Variants in NLRP4 observed in about 807,000 individuals in gnomAD.
The protein encoded by NLRP4 is NACHT, LRR and PYD domains-containing protein 4.
Under a neutral mutation model 84.7 loss-of-function variants are expected in NLRP4, and 44 were observed. That is an observed-to-expected ratio of 0.52 (90% CI 0.41 to 0.67). The LOEUF (loss-of-function observed/expected upper bound fraction) is 0.67. Ranked by LOEUF, NLRP4 falls within the 30% of genes least tolerant of loss-of-function variation. The probability of loss-of-function intolerance (pLI) is 0.00; values close to 1 mark genes in which losing one functional copy is unlikely to be tolerated. For missense variants in NLRP4, 1,260 were observed against 1,219.4 expected (o/e 1.03, Z -0.50); for synonymous variants, 544 against 476.4 (o/e 1.14, Z -1.85).
chr19:55,858,878 T>C lies in NLRP4; in HGVS notation c.1485T>C (p.His495=), dbSNP rs368250690. 4.1e-5 allele frequency: 66 copies of C among 1,614,148 alleles called. No individual in the cohort carries two copies. The Middle Eastern group carries it at 8.2e-4, about 20-fold the overall frequency. ...VANFEKARRA[H]WIFLGCFLTG... ...ATTTTGAAAAAGCAAGGAGAGCACA[T>C]TGGATTTTTTTGGGGTGTTTTCTAA... The change falls in exon 3 of 10, where the codon CAT becomes CAC. Residue 495 remains histidine (H), a synonymous_variant. Transcript: ENST00000301295. The surrounding 1 kb of genome is among the most constrained non-coding windows in gnomAD (Gnocchi z 4.2).
At chr19:55,851,659 CGGTGT>C in intron 1 of NLRP4, among the ~76,000 whole-genome samples, 1 of 148,558 alleles carries the variant, frequency 6.7e-6, no homozygotes, top group Non-Finnish European at 1.5e-5. Flanking sequence ...TCCGAGGCTG[CGGTGT>C]AATGTCCGAG....
intron 5 of NLRP4, among the ~76,000 whole-genome samples, chr19:55,865,344 T>C (rs1352094524): frequency 6.6e-6 from 1 of 152,252 alleles, no homozygotes. Context: ...CTGCATAGTA[T>C]TCCATGGTGT....
In NLRP4 at chr19:55,858,137, T is replaced by C. The variant is rs759140706; in HGVS notation, c.744T>C (p.Cys248=). The change falls in exon 3 of 10, where the codon TGT becomes TGC. Residue 248 remains cysteine, a synonymous_variant. Coordinates refer to ENST00000301295, the MANE Select transcript of NLRP4 (RefSeq NM_134444.5). The surrounding 1 kb of genome is among the most constrained non-coding windows in gnomAD (Gnocchi z 4.2). The part of the protein sequence containing the change: ...GGLNEPDSDL[C]GDLMEKRPVQ... The stretch of plus-strand genomic sequence containing the variant: ...TGAACGAACCCGATTCGGATCTGTG[T>C]GGTGACTTGATGGAGAAACGGCCGG... 4 of 1,613,942 alleles carry C rather than the reference T, an allele frequency of 2.5e-6. No individual in the cohort carries two copies. The highest frequency in any genetic ancestry group is 3.3e-5 in the Admixed American group (2 of 59,992).
intron 3 of NLRP4, 96 bp from the exon 4 acceptor site, chr19:55,861,290 T>A (rs936086891): frequency 9.8e-7 from 1 of 1,024,664 alleles, no homozygotes; most frequent in Admixed American, 2.3e-5. Context: ...GCCTCAGACA[T>A]CTTCTGTTTG....
chr19:55,853,915 CTT>C (rs151330071), intron 2 of NLRP4, among the ~76,000 whole-genome samples: 5 of 101,138 alleles, frequency 4.9e-5, no homozygotes, highest in East Asian at 2.5e-4. Context: ...CTTTCTCTTT[CTT>C]TCTCTTTCTC....
chr19:55,853,761 T>TTCTCTC (rs532484414), intron 2 of NLRP4, among the ~76,000 whole-genome samples: 1 of 130,398 alleles, frequency 7.7e-6, no homozygotes, highest in African/African-American at 3.9e-5. Flanking sequence ...CTCTTTCTCT[T>TTCTCTC]TCTCTCTCTC....
intron 4 of NLRP4, 25 bp from the exon 5 acceptor site, chr19:55,861,967 T>C: frequency 1.9e-6 from 3 of 1,587,558 alleles, no homozygotes; most frequent in Non-Finnish European, 2.6e-6. Context: ...ATGAAACTCA[T>C]CCAAAATTTT....
intron 8 of NLRP4, among the ~76,000 whole-genome samples, chr19:55,878,515 A>G (rs1391033302): frequency 6.6e-6 from 1 of 152,280 alleles, no homozygotes; most frequent in Non-Finnish European, 1.5e-5. Flanking sequence ...ATAATATGTT[A>G]TATTATCCAA....
intron 8 of NLRP4, among the ~76,000 whole-genome samples, 200 bp from the exon 9 acceptor site, chr19:55,878,593 AG>A (rs1179048275): frequency 3.3e-5 from 5 of 152,214 alleles, no homozygotes; most frequent in Non-Finnish European, 7.3e-5. Context: ...TGCTGTGGGC[AG>A]GGATACAGAG....
intron 1 of NLRP4, among the ~76,000 whole-genome samples, chr19:55,838,881 C>A (rs385349): frequency 0.15 from 23,188 of 151,712 alleles, 1,974 homozygotes; most frequent in East Asian, 0.22. Context: ...ACAGATCTTA[C>A]ACTTAATGGA....
At chr19:55,857,638 T>G (rs1446603951) in intron 2 of NLRP4, 36 bp from the exon 3 acceptor site, 1 of 1,594,676 alleles carries the variant, frequency 6.3e-7, no homozygotes, top group Non-Finnish European at 8.5e-7. Context: ...TGCTTAACTT[T>G]GTGGGTTTTC....
At chr19:55,867,069 G>A (rs1984984031) in intron 5 of NLRP4, among the ~76,000 whole-genome samples, 2 of 150,098 alleles carry the variant, frequency 1.3e-5, no homozygotes, top group Non-Finnish European at 3.0e-5. Flanking sequence ...TGCATCTCAG[G>A]TTGGCTGTCT....
chr19:55,869,784 TA>T (rs11405884), intron 6 of NLRP4, among the ~76,000 whole-genome samples: 13 of 148,478 alleles, frequency 8.8e-5, no homozygotes, highest in Non-Finnish European at 1.0e-4. Flanking sequence ...CATGGATCCT[TA>T]AAAAAAAAAA....
intron 1 of NLRP4, 118 bp from the exon 2 acceptor site, chr19:55,851,898 G>C (rs1381878129): frequency 1.6e-5 from 9 of 557,998 alleles, no homozygotes; most frequent in African/African-American, 1.2e-4. Flanking sequence ...TGAGATGAAT[G>C]TAATTAAATA....
At chr19:55,848,993 G>A (rs1983913545) in intron 1 of NLRP4, among the ~76,000 whole-genome samples, 1 of 152,064 alleles carries the variant, frequency 6.6e-6, no homozygotes, top group Non-Finnish European at 1.5e-5. Context: ...ATGATTGTGA[G>A]GCCTCCCCAG....
At chr19:55,847,363 A>T (rs1462212730) in intron 1 of NLRP4, among the ~76,000 whole-genome samples, 1 of 152,220 alleles carries the variant, frequency 6.6e-6, no homozygotes, top group Non-Finnish European at 1.5e-5. Context: ...ATTGATTATC[A>T]TGAGCATAAT....
intron 2 of NLRP4, among the ~76,000 whole-genome samples, chr19:55,856,226 T>A (rs1467807262): frequency 6.6e-6 from 1 of 152,138 alleles, no homozygotes; most frequent in Non-Finnish European, 1.5e-5. Flanking sequence ...TCTCCTAGCC[T>A]GAAGTGATCT....
chr19:55,856,011 T>C (rs1984395431), intron 2 of NLRP4, among the ~76,000 whole-genome samples: 1 of 152,222 alleles, frequency 6.6e-6, no homozygotes, highest in Non-Finnish European at 1.5e-5. Context: ...GGTTTTAGTT[T>C]TCGAGACAGT....
chr19:55,858,114 A>G lies in NLRP4; in HGVS notation c.721A>G (p.Asn241Asp). ...CTTCGAAGAGCTGCAGGGCGGCTTG[A>G]ACGAACCCGATTCGGATCTGTGTGG... Reference protein sequence around the residue: ...DSFEELQGGLNEPDSDLCGDL... With the variant: ...DSFEELQGGLDEPDSDLCGDL... Residue 241 changes from asparagine (N) to aspartate (D), a missense_variant, in exon 3 of 10, where the codon AAC becomes GAC. Asn to Asp is a conservative substitution (Grantham distance 23). Around this residue, in one of 3 missense-constraint regions of NLRP4, gnomAD observed 712 missense variants for 669.2 expected, o/e 1.06. Transcript: ENST00000301295. The surrounding 1 kb of genome is among the most constrained non-coding windows in gnomAD (Gnocchi z 4.2). The G allele has an allele frequency of 6.2e-7, 1 of 1,614,126 alleles. No homozygotes were observed. The highest frequency in any genetic ancestry group is 1.1e-5 in the South Asian group (1 of 91,074).
Sources: allele counts gnomAD v4.1 joint callset (sites outside exome capture counted in the v4.1 genomes callset), GRCh38; gene constraint gnomAD v4.1.1; regional missense constraint gnomAD v4.1.1; non-coding constraint Gnocchi (gnomAD v3.1); transcripts MANE v1.5; gene names NCBI Gene and HGNC (gene_info 2026-07-23, HGNC 2026-07-21).